RMND1: variants seen among roughly 807,000 people sequenced by gnomAD.
RMND1 encodes required for meiotic nuclear division protein 1 homolog.
RMND1 carries 41 observed loss-of-function variants against 54.0 expected under a neutral mutation model. The ratio of observed to expected loss-of-function variants is 0.76; its 90% CI spans 0.59 to 0.98. The LOEUF (loss-of-function observed/expected upper bound fraction) is 0.98. RMND1 is among the 50% of genes least tolerant of loss of function. The pLI is 0.00. For synonymous variants in RMND1, 183 were observed against 181.7 expected, an observed-to-expected ratio of 1.01 and a Z score of -0.06; for missense variants, 457 against 532.0, an observed-to-expected ratio of 0.86 and a Z score of 1.39.
chr6:151,425,327 T>C (rs1780262726), intron 6 of RMND1, among the ~76,000 whole-genome samples: 1 of 152,094 alleles, frequency 6.6e-6, no homozygotes, highest in Admixed American at 6.5e-5. Context: ...ATAATAACCA[T>C]GTAGGTGGCA....
intron 9 of RMND1, among the ~76,000 whole-genome samples, chr6:151,419,021 C>T (rs572866259): frequency 2.9e-4 from 44 of 152,000 alleles, no homozygotes; most frequent in African/African-American, 8.4e-4. Context: ...CCACTGGCCT[C>T]GGCCTCCCAA....
At chr6:151,434,748 A>G (rs1780550559) in intron 3 of RMND1, among the ~76,000 whole-genome samples, 2 of 152,240 alleles carry the variant, frequency 1.3e-5, no homozygotes, top group African/African-American at 4.8e-5. Flanking sequence ...CTGTTATAGG[A>G]AGGCTTTCAA....
At chr6:151,414,810 G>T (rs1373816227) in intron 10 of RMND1, among the ~76,000 whole-genome samples, 4 of 152,088 alleles carry the variant, frequency 2.6e-5, no homozygotes, top group African/African-American at 9.7e-5. Flanking sequence ...GATAATAAAA[G>T]ATAAAATGTA....
In RMND1 at chr6:151,405,113, A is replaced by G; in HGVS notation, c.*122T>C. 3.8e-6 allele frequency: 3 copies of G among 781,080 alleles called. No individual in the cohort carries two copies. Among genetic ancestry groups the G allele is most frequent in the Non-Finnish European group, 4.3e-6 (2 of 466,194 alleles). The allele number at this position is 781,080 out of a possible 1,614,324, so 48.4% of individuals were successfully genotyped here. On this transcript the variant is annotated 3_prime_UTR_variant, in exon 12 of 12. Coordinates refer to ENST00000444024, the MANE Select transcript of RMND1 (RefSeq NM_017909.4). ...TGAGCTCCTGATCTCATCTCAAGCC[A>G]CCCTTCTTGGCCTCCGAAAGTGCTG... is the stretch of plus-strand genomic sequence containing the variant.
At chr6:151,409,702 G>A (rs919325891) in intron 10 of RMND1, among the ~76,000 whole-genome samples, 2 of 152,182 alleles carry the variant, frequency 1.3e-5, no homozygotes, top group Admixed American at 6.5e-5. Flanking sequence ...GTGAGATTGA[G>A]GGGCAACTGG....
intron 2 of RMND1, among the ~76,000 whole-genome samples, chr6:151,443,785 A>G (rs184522648): frequency 3.3e-5 from 5 of 152,200 alleles, no homozygotes; most frequent in South Asian, 4.1e-4. Flanking sequence ...TTCTCTGAAG[A>G]TATTTTTATG....
intron 2 of RMND1, among the ~76,000 whole-genome samples, chr6:151,442,144 T>A (rs1455164994): frequency 6.6e-6 from 1 of 152,254 alleles, no homozygotes; most frequent in Non-Finnish European, 1.5e-5. Context: ...TTTTCTCCTG[T>A]AACATACTGA....
intron 2 of RMND1, among the ~76,000 whole-genome samples, chr6:151,441,877 C>A (rs1349263480): frequency 6.6e-6 from 1 of 152,076 alleles, no homozygotes; most frequent in Non-Finnish European, 1.5e-5. Context: ...AATAATCAAA[C>A]CTGAAGAGGG....
At chr6:151,405,401 T>TTC in intron 11 of RMND1, 134 bp from the exon 12 acceptor site, 1 of 786,612 alleles carries the variant, frequency 1.3e-6, no homozygotes. Flanking sequence ...CGTGGCAACC[T>TTC]ATGAATTGGA....
rs570262717 is a variant in RMND1 at position 151,450,927 on chromosome 6, T to A, written c.-15+1089A>T. ...CCCCAACCCTGTGCTCTCTGAAACA[T>A]GTGCTGTGTCCACTCAGAGTTGAAT... On this transcript the variant is annotated intron_variant, in intron 1 of 11. Transcript: ENST00000444024. Among the ~76,000 whole-genome samples the A allele has an allele frequency of 2.6e-3, 403 of 152,290 alleles. 3 individuals are homozygous for A. The highest frequency in any genetic ancestry group is 8.9e-3 in the African/African-American group (370 of 41,556).
rs1781221136 is a variant in RMND1 at position 151,452,065 on chromosome 6, G to A, written c.-64C>T. On this transcript the variant is annotated 5_prime_UTR_variant, in exon 1 of 12. Transcript: ENST00000444024. ...AGCGCCAGGGACGCACGCTTCCTCG[G>A]CAGGACTGCAGGGAAAGAGCCGCAC... 6.1e-6 allele frequency: 1 copy of A among 163,766 alleles called. No homozygotes were observed. Among genetic ancestry groups the A allele is most frequent in the Non-Finnish European group, 1.3e-5 (1 of 74,512 alleles). The allele number at this position is 163,766 out of a possible 1,614,324, so 10.1% of individuals were successfully genotyped here.
intron 6 of RMND1, among the ~76,000 whole-genome samples, chr6:151,426,158 A>G (rs1327153951): frequency 6.6e-6 from 1 of 152,086 alleles, no homozygotes; most frequent in Non-Finnish European, 1.5e-5. Context: ...CATGTTGGCC[A>G]AGCTGTCTTG....
chr6:151,431,313 G>A (rs1780441670), intron 4 of RMND1, among the ~76,000 whole-genome samples: 1 of 152,096 alleles, frequency 6.6e-6, no homozygotes, highest in African/African-American at 2.4e-5. Flanking sequence ...ACTTTATGCA[G>A]TGATAGAGAA....
rs911989597 is a variant in RMND1, at chr6:151,427,757, T to C, written c.730-175A>G. On this transcript the variant is annotated intron_variant, in intron 5 of 11. Transcript: ENST00000444024. The stretch of plus-strand genomic sequence containing the variant: ...TGATATTAAAGTAATCAGGATGACA[T>C]GTTCATTTGTTTTTACATTTGGAAA... Among the ~76,000 whole-genome samples the C allele has an allele frequency of 5.3e-5, 8 of 152,328 alleles. No individual in the cohort carries two copies. In the East Asian group the frequency reaches 9.6e-4, roughly 18 times the overall value.
At chr6:151,416,186 C>G (rs928520007) in intron 10 of RMND1, among the ~76,000 whole-genome samples, 1 of 151,970 alleles carries the variant, frequency 6.6e-6, no homozygotes, top group Admixed American at 6.6e-5. Context: ...ACCATATTGG[C>G]CAGGCAGGTC....
intron 10 of RMND1, among the ~76,000 whole-genome samples, chr6:151,415,911 G>A (rs1582946054): frequency 6.6e-6 from 1 of 152,078 alleles, no homozygotes; most frequent in African/African-American, 2.4e-5. Context: ...GGGACAGTCC[G>A]GGTAGGGGGA....
rs9383893 is a variant in RMND1, at chr6:151,436,192, T to C, written c.613+254A>G. 169,811 of 353,488 alleles carry C rather than the reference T, an allele frequency of 0.48. 45,899 individuals carry two copies. Among genetic ancestry groups the C allele is most frequent in the African/African-American group, 0.81 (38,767 of 48,130 alleles). 21.9% of individuals were successfully genotyped at this position (353,488 alleles called of 1,614,324 possible). On this transcript the variant is annotated intron_variant, in intron 3 of 11. Transcript: ENST00000444024. ...TTAATGTGCTAGAAATGAAGTAGTA[T>C]GACCTCTGACCACCTCAAGTAATAA...
At chr6:151,424,843 A>T (rs1780250284) in intron 6 of RMND1, among the ~76,000 whole-genome samples, 1 of 151,860 alleles carries the variant, frequency 6.6e-6, no homozygotes, top group Non-Finnish European at 1.5e-5. Context: ...GATGTCAGAC[A>T]AGAAGTGACG....
intron 10 of RMND1, among the ~76,000 whole-genome samples, chr6:151,410,272 GTC>G (rs1562782691): frequency 6.6e-6 from 1 of 152,076 alleles, no homozygotes; most frequent in Admixed American, 6.5e-5. Context: ...AGCCAGGATG[GTC>G]TGGATCTCCT....
Sources: allele counts gnomAD v4.1 joint callset (sites outside exome capture counted in the v4.1 genomes callset), GRCh38; gene constraint gnomAD v4.1.1; transcripts MANE v1.5; gene names NCBI Gene and HGNC (gene_info 2026-07-23, HGNC 2026-07-21).